Variants in ASIC2 observed in about 807,000 individuals in gnomAD.
ASIC2 encodes acid-sensing ion channel 2.
ASIC2 carries 25 observed loss-of-function variants against 57.3 expected under a neutral mutation model. The ratio of observed to expected loss-of-function variants is 0.44; its 90% CI spans 0.32 to 0.61. ASIC2 has a LOEUF of 0.61. Among genes scored for constraint, ASIC2 ranks in the 20% least tolerant of loss-of-function variants. ASIC2 has a pLI of 0.06. For synonymous variants in ASIC2, 319 were observed against 307.5 expected (o/e 1.04, Z -0.39); for missense variants, 641 against 738.1 (o/e 0.87, Z 1.52).
At chr17:33,579,744 T>C (rs1369693623) in intron 1 of ASIC2, among the ~76,000 whole-genome samples, 1 of 152,142 alleles carries the variant, frequency 6.6e-6, no homozygotes. Context: ...ACCCAAACAC[T>C]AAACAGCAGC....
At chr17:33,046,003 G>T (rs1320824223) in intron 3 of ASIC2, among the ~76,000 whole-genome samples, 1 of 152,174 alleles carries the variant, frequency 6.6e-6, no homozygotes, top group Non-Finnish European at 1.5e-5. Flanking sequence ...TATGGACTAA[G>T]GTGTGAATGA....
At chr17:33,846,589 A>G (rs1913610622) in intron 1 of ASIC2, among the ~76,000 whole-genome samples, 1 of 152,168 alleles carries the variant, frequency 6.6e-6, no homozygotes, top group Non-Finnish European at 1.5e-5. Context: ...AGTTAGCTTA[A>G]CTGGCATTTC....
chr17:33,201,500 T>C (rs2142078551), intron 1 of ASIC2, among the ~76,000 whole-genome samples: 1 of 152,356 alleles, frequency 6.6e-6, no homozygotes, highest in African/African-American at 2.4e-5. Flanking sequence ...ACTGTTGCCA[T>C]GGCAACATCT....
chr17:33,399,781 G>A (rs1313189357), intron 1 of ASIC2, among the ~76,000 whole-genome samples: 3 of 152,208 alleles, frequency 2.0e-5, no homozygotes, highest in Admixed American at 6.5e-5. Context: ...AAAGGAGCGT[G>A]TGTGTGTTTG....
chr17:34,010,751 T>A (rs1426726437), intron 1 of ASIC2, among the ~76,000 whole-genome samples: 1 of 143,038 alleles, frequency 7.0e-6, no homozygotes, highest in Admixed American at 6.9e-5. Flanking sequence ...ATACAAACAC[T>A]CAGACCCATA....
intron 1 of ASIC2, among the ~76,000 whole-genome samples, chr17:33,592,087 C>T (rs114962443): frequency 6.6e-6 from 1 of 152,330 alleles, no homozygotes; most frequent in African/African-American, 2.4e-5. Flanking sequence ...CTTCTGGGCT[C>T]TGGACTCGTG....
intron 1 of ASIC2, among the ~76,000 whole-genome samples, chr17:33,904,743 T>C (rs1915310507): frequency 6.6e-6 from 1 of 152,210 alleles, no homozygotes; most frequent in Non-Finnish European, 1.5e-5. Flanking sequence ...ATAGATGTTA[T>C]CAGATGCAAA....
intron 1 of ASIC2, among the ~76,000 whole-genome samples, chr17:33,626,832 TC>T (rs1307313808): frequency 1.3e-5 from 2 of 152,200 alleles, no homozygotes; most frequent in Non-Finnish European, 2.9e-5. Context: ...CTTCCTGATT[TC>T]CAGCACTCAA....
Position 33,530,415 on chromosome 17 carries a change from G to A in ASIC2, c.556-418348C>T, listed in dbSNP as rs376101104. ...AGAGAGAGGTCAGTCCCCTTTGTCTGTTATGCCCCATGGCAAGCAAGGGGA... is the reference window on the plus strand; with the variant it reads ...AGAGAGAGGTCAGTCCCCTTTGTCTATTATGCCCCATGGCAAGCAAGGGGA... On this transcript the variant is annotated intron_variant, in intron 1 of 9. Transcript: ENST00000359872. 9.2e-5 allele frequency among the ~76,000 whole-genome samples: 14 copies of A among 152,378 alleles called. No homozygotes were observed. The East Asian group carries it at 1.5e-3, about 17-fold the overall frequency.
intron 1 of ASIC2, among the ~76,000 whole-genome samples, chr17:33,836,297 G>C (rs117603136): frequency 0.16 from 24,605 of 151,438 alleles, 2,518 homozygotes; most frequent in South Asian, 0.25. Context: ...ATTTTTAGTA[G>C]AGACAGAATT....
chr17:33,765,171 T>C (rs1028960230), intron 1 of ASIC2, among the ~76,000 whole-genome samples: 3 of 152,160 alleles, frequency 2.0e-5, no homozygotes, highest in Admixed American at 6.5e-5. Flanking sequence ...AGTGGCGCTA[T>C]CTTGGCTCAC....
intron 1 of ASIC2, among the ~76,000 whole-genome samples, chr17:33,164,438 G>A (rs1012587764): frequency 7.5e-6 from 1 of 134,084 alleles, no homozygotes; most frequent in African/African-American, 2.7e-5. Context: ...TTGCTGGCGG[G>A]TAATTGGATG....
chr17:33,080,552 A>G (rs1399808599), intron 3 of ASIC2, among the ~76,000 whole-genome samples: 1 of 151,918 alleles, frequency 6.6e-6, no homozygotes, highest in Non-Finnish European at 1.5e-5. Context: ...TTTCCTATAT[A>G]TACATACATA....
At chr17:33,660,253 T>C (rs1471803760) in intron 1 of ASIC2, among the ~76,000 whole-genome samples, 2 of 152,146 alleles carry the variant, frequency 1.3e-5, no homozygotes, top group Admixed American at 6.5e-5. Flanking sequence ...TGTCCACTTA[T>C]GCTACATCAA....
chr17:33,256,751 G>A (rs1909093786), intron 1 of ASIC2, among the ~76,000 whole-genome samples: 1 of 152,210 alleles, frequency 6.6e-6, no homozygotes, highest in Non-Finnish European at 1.5e-5. Flanking sequence ...AGGATCACTT[G>A]AACCTGGGAG....
intron 1 of ASIC2, chr17:34,004,410 A>G (rs574010986): frequency 6.6e-5 from 10 of 152,346 alleles, no homozygotes; most frequent in African/African-American, 2.4e-4. Context: ...AAGTAGTGGT[A>G]TGCAGTAGGA....
chr17:33,108,881 G>A (rs184810857), intron 2 of ASIC2, among the ~76,000 whole-genome samples: 15 of 151,214 alleles, frequency 9.9e-5, no homozygotes, highest in African/African-American at 2.7e-4. Flanking sequence ...AGTATGACCC[G>A]AGGAATATGG....
At chr17:34,013,536 G>C (rs1044490817) in intron 1 of ASIC2, among the ~76,000 whole-genome samples, 2 of 152,240 alleles carry the variant, frequency 1.3e-5, no homozygotes, top group African/African-American at 2.4e-5. Flanking sequence ...AGAATAAGGA[G>C]TTTATGAACA....
chr17:33,159,634 T>A (rs1905106613), intron 1 of ASIC2, among the ~76,000 whole-genome samples: 1 of 152,228 alleles, frequency 6.6e-6, no homozygotes, highest in African/African-American at 2.4e-5. Context: ...CTTTGGGTCC[T>A]AACGAAAGTG....
Sources: allele counts gnomAD v4.1 joint callset (sites outside exome capture counted in the v4.1 genomes callset), GRCh38; gene constraint gnomAD v4.1.1; transcripts MANE v1.5; gene names NCBI Gene and HGNC (gene_info 2026-07-23, HGNC 2026-07-21).